Variants in ZC3H13 observed in about 807,000 individuals in gnomAD.
The protein encoded by ZC3H13 is zinc finger CCCH domain-containing protein 13.
ZC3H13 carries 64 observed loss-of-function variants against 204.1 expected under a neutral mutation model. The ratio of observed to expected loss-of-function variants is 0.31; its 90% CI spans 0.26 to 0.39. ZC3H13 has a LOEUF of 0.39. Among genes scored for constraint, ZC3H13 ranks in the 10% least tolerant of loss-of-function variants. The pLI is 1.00. For missense variants in ZC3H13, 1,833 were observed against 2,082.7 expected, an observed-to-expected ratio of 0.88 and a Z score of 2.33; for synonymous variants, 667 against 693.7, an observed-to-expected ratio of 0.96 and a Z score of 0.60.
chr13:46,037,760 A>G (rs550422833), intron 4 of ZC3H13, among the ~76,000 whole-genome samples: 2 of 152,350 alleles, frequency 1.3e-5, no homozygotes, highest in South Asian at 2.1e-4. Flanking sequence ...TTGTAACATT[A>G]AAAAGAAAAA....
At chr13:45,961,963 T>A (rs955856585) in intron 17 of ZC3H13, among the ~76,000 whole-genome samples, 1 of 152,228 alleles carries the variant, frequency 6.6e-6, no homozygotes, top group African/African-American at 2.4e-5. Flanking sequence ...AGTACACTTA[T>A]AAATTTTCTG....
At chr13:46,032,378 AAC>A (rs201516835) in intron 4 of ZC3H13, among the ~76,000 whole-genome samples, 2,973 of 146,742 alleles carry the variant, frequency 0.02, 95 homozygotes, top group African/African-American at 0.069. Context: ...AAAAAAAAAA[AAC>A]AGAGAAAATG....
chr13:46,004,219 C>T (rs9526128), intron 7 of ZC3H13, among the ~76,000 whole-genome samples: 65,258 of 151,618 alleles, frequency 0.43, 14,410 homozygotes, highest in East Asian at 0.54. Context: ...AAATATTGAA[C>T]ATAGACATAG....
chr13:46,042,319 C>T (rs1393802160), intron 3 of ZC3H13, 44 bp from the exon 4 acceptor site: 5 of 1,362,862 alleles, frequency 3.7e-6, no homozygotes, highest in Non-Finnish European at 4.1e-6. Flanking sequence ...CGAAACAAAA[C>T]AACAAAAATC....
intron 12 of ZC3H13, among the ~76,000 whole-genome samples, chr13:45,974,601 G>C (rs887873451): frequency 1.3e-5 from 2 of 152,190 alleles, no homozygotes; most frequent in Non-Finnish European, 2.9e-5. Flanking sequence ...CAGCACAAGA[G>C]AAGACACTTC....
intron 8 of ZC3H13, among the ~76,000 whole-genome samples, chr13:45,996,691 T>G (rs1426332115): frequency 6.6e-6 from 1 of 151,796 alleles, no homozygotes; most frequent in Admixed American, 6.6e-5. Context: ...AACCCTTATT[T>G]TACTTAATAA....
chr13:46,045,054 C>G lies in ZC3H13; in HGVS notation c.128G>C (p.Arg43Pro). 6.2e-7 allele frequency: 1 copy of G among 1,612,328 alleles called. No individual in the cohort carries two copies. Among genetic ancestry groups the G allele is most frequent in the Non-Finnish European group, 8.5e-7 (1 of 1,179,026 alleles). ...GCAGTTGCCAGTCTTCAGCCAGTTACGGCACTGTGTCTAAGAGACAGATAT... is the reference window on the plus strand; with the variant it reads ...GCAGTTGCCAGTCTTCAGCCAGTTAGGGCACTGTGTCTAAGAGACAGATAT... ...STGSTAETQC[R>P]NWLKTGNCLY... Residue 43 changes from arginine to proline, a missense_variant, in exon 3 of 19, where the codon CGT becomes CCT. Arg to Pro is a moderately radical substitution (Grantham distance 103). Transcript: ENST00000679008.
rs1037722475 is a variant in ZC3H13, at chr13:46,042,195, C to T, written c.308G>A (p.Arg103Gln). The change falls in exon 4 of 19, where the codon CGA (arginine) becomes CAA (glutamine). Residue 103 changes from arginine (R) to glutamine (Q), a missense_variant. Arg to Gln is a conservative substitution (Grantham distance 43). Transcript: ENST00000679008. Reference protein sequence around the residue: ...RQDVDTEPQKRNTEESSSPVR... With the variant: ...RQDVDTEPQKQNTEESSSPVR... ...AGGTGAGGATGACTCCTCTGTATTT[C>T]GTTTCTGGGGCTCAGTGTCCACGTC... 8 of 1,613,426 alleles carry T rather than the reference C, an allele frequency of 5.0e-6. No individual in the cohort carries two copies. The highest frequency in any genetic ancestry group is 1.1e-5 in the South Asian group (1 of 91,056).
At chr13:46,040,532 A>G (rs11840730) in intron 4 of ZC3H13, among the ~76,000 whole-genome samples, 3 of 152,116 alleles carry the variant, frequency 2.0e-5, no homozygotes, top group Non-Finnish European at 2.9e-5. Flanking sequence ...CCTGGACTAA[A>G]CAATAGTTTC....
intron 8 of ZC3H13, among the ~76,000 whole-genome samples, chr13:45,998,479 A>G (rs1339073255): frequency 6.6e-6 from 1 of 151,860 alleles, no homozygotes; most frequent in African/African-American, 2.4e-5. Flanking sequence ...CCCCATCTCT[A>G]CTAAAAATAC....
chr13:46,049,918 TTCCTC>T (rs1306904054), intron 1 of ZC3H13, among the ~76,000 whole-genome samples: 1 of 152,168 alleles, frequency 6.6e-6, no homozygotes, highest in Non-Finnish European at 1.5e-5. Flanking sequence ...TATGAAGGTT[TTCCTC>T]CATTTTTGTT....
chr13:46,030,948 T>C (rs2138982473), intron 4 of ZC3H13, among the ~76,000 whole-genome samples: 1 of 152,252 alleles, frequency 6.6e-6, no homozygotes, highest in Non-Finnish European at 1.5e-5. Flanking sequence ...GACATACTCA[T>C]TCTATATGGA....
chr13:45,957,105 A>T lies in ZC3H13; in HGVS notation c.*22T>A, dbSNP rs1254192506. 6.9e-7 allele frequency: 1 copy of T among 1,440,138 alleles called. No homozygotes were observed. The highest frequency in any genetic ancestry group is 2.4e-5 in the Admixed American group (1 of 41,400). The allele number at this position is 1,440,138 out of a possible 1,614,324, so 89.2% of individuals were successfully genotyped here. On this transcript the variant is annotated 3_prime_UTR_variant, in exon 19 of 19. Transcript: ENST00000679008. ...ACTGCTGAAGGAAGACAGTACCAAA[A>T]ATACCATATTGAACTTCGGTCTTAA...
Position 46,020,528 on chromosome 13 carries a change from T to C in ZC3H13, c.369A>G (p.Glu123=), listed in dbSNP as rs749801519. The C allele has an allele frequency of 6.2e-7, 1 of 1,611,252 alleles. No homozygotes were observed. The highest frequency in any genetic ancestry group is 8.5e-7 in the Non-Finnish European group (1 of 1,178,700). The change falls in exon 5 of 19, where the codon GAA becomes GAG. Residue 123 remains glutamate (E), a synonymous_variant. Coordinates refer to ENST00000679008, the MANE Select transcript of ZC3H13 (RefSeq NM_001330564.2). ...RKESSRGRHR[E]KEDIKITKER... ...CCTTAGTGATTTTTATGTCTTCCTT[T>C]TCCCTATGTCTCCCTCTTGAAGATT... is the stretch of plus-strand genomic sequence containing the variant.
At chr13:46,010,219 C>CT in intron 7 of ZC3H13, 129 bp downstream of exon 7, 1 of 967,760 alleles carries the variant, frequency 1.0e-6, no homozygotes, top group Non-Finnish European at 1.4e-6. Flanking sequence ...TTTCAAATTT[C>CT]TTTTTAGAAC....
intron 3 of ZC3H13, among the ~76,000 whole-genome samples, chr13:46,044,615 A>T (rs1295552691): frequency 6.6e-6 from 1 of 152,154 alleles, no homozygotes; most frequent in Non-Finnish European, 1.5e-5. Flanking sequence ...AAGAGTTAAA[A>T]ATAGCCTCAC....
At chr13:46,043,184 GAT>G (rs1478639726) in intron 3 of ZC3H13, among the ~76,000 whole-genome samples, 1 of 151,820 alleles carries the variant, frequency 6.6e-6, no homozygotes, top group African/African-American at 2.4e-5. Flanking sequence ...ATATAAAAAA[GAT>G]ATAAACAAAT....
chr13:46,033,732 A>C (rs2043039541), intron 4 of ZC3H13, among the ~76,000 whole-genome samples: 1 of 152,116 alleles, frequency 6.6e-6, no homozygotes, highest in Non-Finnish European at 1.5e-5. Flanking sequence ...ATATAGTATG[A>C]AATACACAAT....
In ZC3H13 at chr13:46,052,573, C is replaced by A. The variant is rs955940399; in HGVS notation, c.-179G>T. ...GAACCGGCTCTTGGCTAGCGAGGAG[C>A]CCCCGGGATGGCTGAGAAGCAGAAC... On this transcript the variant is annotated 5_prime_UTR_variant, in exon 1 of 19. Transcript: ENST00000679008. 1.5e-5 allele frequency: 6 copies of A among 398,580 alleles called. No individual in the cohort carries two copies. Among genetic ancestry groups the A allele is most frequent in the Non-Finnish European group, 1.3e-5 (3 of 226,206 alleles). 24.7% of individuals were successfully genotyped at this position (398,580 alleles called of 1,614,324 possible).
Sources: gnomAD v4.1 joint callset for allele counts (sites outside exome capture counted in the v4.1 genomes callset) on GRCh38, gnomAD v4.1.1 for gene constraint, MANE v1.5 for transcripts, NCBI Gene and HGNC (gene_info 2026-07-23, HGNC 2026-07-21) for gene names.